PIP4K2A: variants seen among roughly 807,000 people sequenced by gnomAD.
The protein encoded by PIP4K2A is phosphatidylinositol-5-phosphate 4-kinase type 2 alpha.
PIP4K2A carries 14 observed loss-of-function variants against 42.9 expected under a neutral mutation model. That is an observed-to-expected ratio of 0.33 (90% CI 0.22 to 0.51). PIP4K2A has a LOEUF of 0.51. PIP4K2A is among the 20% of genes least tolerant of loss of function. PIP4K2A has a pLI of 0.97. For synonymous variants in PIP4K2A, 192 were observed against 192.2 expected (o/e 1.00, Z 0.01); for missense variants, 434 against 519.8 (o/e 0.83, Z 1.61).
At chr10:22,608,263 T>C (rs934184821) in intron 2 of PIP4K2A, among the ~76,000 whole-genome samples, 1 of 152,092 alleles carries the variant, frequency 6.6e-6, no homozygotes, top group Admixed American at 6.6e-5. Flanking sequence ...CCTCTTTAAA[T>C]CCTGGCCACA....
intron 3 of PIP4K2A, among the ~76,000 whole-genome samples, chr10:22,601,130 CAAA>C (rs1188396077): frequency 7.8e-4 from 25 of 31,912 alleles, no homozygotes; most frequent in East Asian, 1.7e-3. Flanking sequence ...GAGACTGTCT[CAAA>C]AAAAAAAAAA....
At chr10:22,688,096 T>C (rs888899539) in intron 1 of PIP4K2A, among the ~76,000 whole-genome samples, 1 of 152,236 alleles carries the variant, frequency 6.6e-6, no homozygotes, top group African/African-American at 2.4e-5. Context: ...CCCCACAGCA[T>C]GAACTGAAAC....
chr10:22,686,648 T>C (rs1839770442), intron 1 of PIP4K2A, among the ~76,000 whole-genome samples: 1 of 152,134 alleles, frequency 6.6e-6, no homozygotes, highest in African/African-American at 2.4e-5. Context: ...AAATTTTTTT[T>C]TAGTAGAAAC....
At chr10:22,713,482 G>A (rs899796208) in intron 1 of PIP4K2A, among the ~76,000 whole-genome samples, 2 of 152,170 alleles carry the variant, frequency 1.3e-5, no homozygotes, top group Non-Finnish European at 2.9e-5. Flanking sequence ...TCCCCGCCAA[G>A]GGCTCTCCAG....
At chr10:22,539,166 G>A (rs1836018174) in intron 9 of PIP4K2A, among the ~76,000 whole-genome samples, 1 of 152,182 alleles carries the variant, frequency 6.6e-6, no homozygotes, top group African/African-American at 2.4e-5. Flanking sequence ...GGCAGGGCAA[G>A]GGGATGAGCA....
chr10:22,674,845 C>T (rs1433595332), intron 1 of PIP4K2A, among the ~76,000 whole-genome samples: 2 of 151,922 alleles, frequency 1.3e-5, no homozygotes, highest in Non-Finnish European at 2.9e-5. Context: ...TGCCTATGGT[C>T]GTAGCTACTC....
chr10:22,628,254 A>T (rs533209747), intron 1 of PIP4K2A, among the ~76,000 whole-genome samples: 1 of 152,344 alleles, frequency 6.6e-6, no homozygotes, highest in East Asian at 1.9e-4. Flanking sequence ...CCACAGACTA[A>T]TTCCACCAGC....
chr10:22,627,588 TAATAAAAAAAAAAAAAAAAAAAAAAAAAA>T (rs1838468946), intron 1 of PIP4K2A, among the ~76,000 whole-genome samples: 5 of 38,924 alleles, frequency 1.3e-4, no homozygotes, highest in African/African-American at 2.2e-4. Context: ...AGCTAATATG[TAATAAAAAAAAAAAAAAAAAAAAAAAAAA>T]AAAAAAAAAA....
intron 1 of PIP4K2A, among the ~76,000 whole-genome samples, chr10:22,643,799 C>G (rs1239024629): frequency 3.9e-5 from 6 of 152,020 alleles, no homozygotes; most frequent in Non-Finnish European, 8.8e-5. Context: ...TCCTCCTGAC[C>G]AATCCCACAC....
rs141636626 is a variant in PIP4K2A at position 22,662,812 on chromosome 10, C to T, written c.144+51371G>A. Among the ~76,000 whole-genome samples, 253 of 152,282 alleles carry T rather than the reference C, an allele frequency of 1.7e-3. 1 individual carries two copies. Among genetic ancestry groups the T allele is most frequent in the African/African-American group, 5.8e-3 (241 of 41,540 alleles). On this transcript the variant is annotated intron_variant, in intron 1 of 9. Coordinates refer to ENST00000376573, the MANE Select transcript of PIP4K2A (RefSeq NM_005028.5). ...GTGAGGACACCCAAAGACTATGATA[C>T]AAATTGTCCCTTCCCATAAAATCTG...
chr10:22,640,305 C>T (rs1464622967), intron 1 of PIP4K2A, among the ~76,000 whole-genome samples: 1 of 152,104 alleles, frequency 6.6e-6, no homozygotes, highest in African/African-American at 2.4e-5. Flanking sequence ...CAGTATTTCC[C>T]TTGGTAGCAC....
chr10:22,614,752 A>T (rs74121818), intron 1 of PIP4K2A, among the ~76,000 whole-genome samples: 9,594 of 152,268 alleles, frequency 0.063, 781 homozygotes, highest in African/African-American at 0.19. Flanking sequence ...AGAGCTGCTT[A>T]ATAACTGAAA....
intron 1 of PIP4K2A, among the ~76,000 whole-genome samples, chr10:22,642,583 T>A (rs1024139634): frequency 4.7e-4 from 53 of 112,674 alleles, no homozygotes; most frequent in African/African-American, 1.6e-3. Flanking sequence ...TATTTATATG[T>A]GTATTTATAA....
chr10:22,543,922 G>A (rs1443588515), intron 7 of PIP4K2A, among the ~76,000 whole-genome samples: 1 of 152,172 alleles, frequency 6.6e-6, no homozygotes, highest in African/African-American at 2.4e-5. Context: ...CAGGCTCTCC[G>A]TGTGAGACAG....
intron 1 of PIP4K2A, among the ~76,000 whole-genome samples, chr10:22,647,409 T>C (rs553050320): frequency 1.1e-4 from 17 of 152,104 alleles, no homozygotes; most frequent in Non-Finnish European, 2.1e-4. Context: ...GTGAAAGGCT[T>C]GTGGGACCAG....
intron 7 of PIP4K2A, among the ~76,000 whole-genome samples, chr10:22,545,497 C>A (rs186459343): frequency 1.3e-5 from 2 of 152,354 alleles, no homozygotes; most frequent in South Asian, 4.1e-4. Context: ...CTCGCCACAC[C>A]GGGCAGCCCA....
intron 3 of PIP4K2A, chr10:22,607,698 GA>G (rs1837935316): frequency 3.3e-6 from 1 of 303,718 alleles, no homozygotes; most frequent in South Asian, 7.2e-5. Context: ...TCCTTCCAAA[GA>G]AAAGTAATAT....
At chr10:22,651,809 C>T (rs887005834) in intron 1 of PIP4K2A, among the ~76,000 whole-genome samples, 2 of 152,144 alleles carry the variant, frequency 1.3e-5, no homozygotes, top group Admixed American at 1.3e-4. Context: ...CGTGGGCGAC[C>T]CCTCACTGCT....
chr10:22,564,397 G>C (rs546808245), intron 6 of PIP4K2A, among the ~76,000 whole-genome samples: 2 of 152,194 alleles, frequency 1.3e-5, no homozygotes, highest in African/African-American at 2.4e-5. Context: ...TCCTGCTAGT[G>C]GTAGTCCCAA....
Sources: allele counts gnomAD v4.1 joint callset (sites outside exome capture counted in the v4.1 genomes callset), GRCh38; gene constraint gnomAD v4.1.1; transcripts MANE v1.5; gene names NCBI Gene and HGNC (gene_info 2026-07-23, HGNC 2026-07-21).